The following ZFPM2 variants were observed in gnomAD, a reference collection of about 807,000 sequenced individuals.
The protein encoded by ZFPM2 is zinc finger protein ZFPM2.
In ZFPM2, 20 loss-of-function variants were observed where a neutral mutation model predicts 98.6. The observed-to-expected ratio is 0.20, with a 90% CI of 0.14 to 0.29. The LOEUF (loss-of-function observed/expected upper bound fraction) is 0.29, where lower values mean the gene tolerates loss of function less well. Among genes scored for constraint, ZFPM2 ranks in the 10% least tolerant of loss-of-function variants. ZFPM2 has a pLI of 1.00. For missense variants in ZFPM2, 1,310 were observed against 1,388.6 expected (o/e 0.94, Z 0.90); for synonymous variants, 518 against 502.7 (o/e 1.03, Z -0.41).
chr8:105,440,224 A>G (rs1256548329), intron 2 of ZFPM2, among the ~76,000 whole-genome samples: 1 of 152,222 alleles, frequency 6.6e-6, no homozygotes, highest in Non-Finnish European at 1.5e-5. Context: ...GCTAGCATTT[A>G]ATAGTATTAT....
intron 4 of ZFPM2, among the ~76,000 whole-genome samples, chr8:105,584,832 C>A (rs964504950): frequency 5.3e-5 from 8 of 152,064 alleles, no homozygotes; most frequent in African/African-American, 1.9e-4. Flanking sequence ...AATGCAAACA[C>A]CACTTTAGAT....
chr8:105,687,460 A>G (rs1025885645), intron 5 of ZFPM2, among the ~76,000 whole-genome samples: 1 of 152,180 alleles, frequency 6.6e-6, no homozygotes, highest in African/African-American at 2.4e-5. Context: ...AAGAGAATGA[A>G]AAAGCCAAGA....
chr8:105,519,095 A>T (rs572144157), intron 3 of ZFPM2, among the ~76,000 whole-genome samples: 1 of 152,158 alleles, frequency 6.6e-6, no homozygotes, highest in Non-Finnish European at 1.5e-5. Flanking sequence ...TCTTCATGGG[A>T]TGTGTACAAA....
At chr8:105,672,740 A>C (rs1256686097) in intron 5 of ZFPM2, among the ~76,000 whole-genome samples, 1 of 152,182 alleles carries the variant, frequency 6.6e-6, no homozygotes, top group Non-Finnish European at 1.5e-5. Context: ...ATTTCAAATA[A>C]AGTATAAAAA....
rs200584546 is a variant in ZFPM2 at position 105,712,159 on chromosome 8, C to CA, written c.533-76552dup. On this transcript the variant is annotated intron_variant, in intron 5 of 7. Transcript: ENST00000407775. ...GGAGAGTTATAAGATGTTGTTGAAA[C>CA]AAAAAAAGATAAGGAACAAGTGATG... Among the ~76,000 whole-genome samples the CA allele has an allele frequency of 7.7e-3, 1,164 of 151,364 alleles. 17 individuals carry two copies. Among genetic ancestry groups the CA allele is most frequent in the African/African-American group, 0.026 (1,085 of 41,332 alleles).
intron 5 of ZFPM2, among the ~76,000 whole-genome samples, chr8:105,694,300 T>C (rs1810966405): frequency 6.6e-6 from 1 of 152,164 alleles, no homozygotes; most frequent in Non-Finnish European, 1.5e-5. Context: ...CAAATTTTTT[T>C]AAGTTTCATT....
intron 5 of ZFPM2, among the ~76,000 whole-genome samples, chr8:105,712,120 G>C (rs891066463): frequency 6.6e-6 from 1 of 151,904 alleles, no homozygotes; most frequent in African/African-American, 2.4e-5. Flanking sequence ...GAAAAAGGCT[G>C]GTGAGGAACC....
intron 5 of ZFPM2, among the ~76,000 whole-genome samples, chr8:105,658,595 A>AAAAAAAAAAAAAAC (rs1817332142): frequency 6.8e-6 from 1 of 147,478 alleles, no homozygotes; most frequent in Non-Finnish European, 1.5e-5. Flanking sequence ...TCAAAAAAAA[A>AAAAAAAAAAAAAAC]AAAAAAAAAA....
chr8:105,517,477 G>A (rs1813949369), intron 3 of ZFPM2, among the ~76,000 whole-genome samples: 1 of 152,058 alleles, frequency 6.6e-6, no homozygotes, highest in African/African-American at 2.4e-5. Context: ...ACTGTGAAAT[G>A]ATTACCAACA....
chr8:105,383,267 G>A (rs967072774), intron 1 of ZFPM2, among the ~76,000 whole-genome samples: 3 of 151,976 alleles, frequency 2.0e-5, no homozygotes, highest in Non-Finnish European at 4.4e-5. Context: ...GTACTGTTGG[G>A]GATAGAGTAA....
intron 3 of ZFPM2, among the ~76,000 whole-genome samples, chr8:105,464,949 TAAA>T (rs77152118): frequency 1.6e-5 from 2 of 125,608 alleles, no homozygotes; most frequent in Non-Finnish European, 3.5e-5. Flanking sequence ...TTGAAAATGC[TAAA>T]AAAAAAAAAA....
chr8:105,405,243 G>A (rs1693611303), intron 1 of ZFPM2, among the ~76,000 whole-genome samples: 1 of 151,858 alleles, frequency 6.6e-6, no homozygotes, highest in Admixed American at 6.6e-5. Context: ...TTGCTGATGT[G>A]AGATAATGGT....
At chr8:105,345,568 C>G (rs1563613775) in intron 1 of ZFPM2, among the ~76,000 whole-genome samples, 3 of 151,446 alleles carry the variant, frequency 2.0e-5, no homozygotes, top group Admixed American at 6.6e-5. Flanking sequence ...CGTATGGAAG[C>G]TCTTTCAGGT....
intron 5 of ZFPM2, among the ~76,000 whole-genome samples, chr8:105,758,816 G>T (rs1439067183): frequency 6.6e-6 from 1 of 152,028 alleles, no homozygotes; most frequent in Admixed American, 6.6e-5. Context: ...CAGGTAGTTG[G>T]CATGTTATGA....
chr8:105,366,205 T>A (rs1810505047), intron 1 of ZFPM2, among the ~76,000 whole-genome samples: 1 of 152,162 alleles, frequency 6.6e-6, no homozygotes, highest in South Asian at 2.1e-4. Context: ...TGTGTGGAAG[T>A]TACGGTATTT....
intron 4 of ZFPM2, among the ~76,000 whole-genome samples, chr8:105,633,501 C>A (rs1289497847): frequency 6.6e-6 from 1 of 152,094 alleles, no homozygotes; most frequent in African/African-American, 2.4e-5. Context: ...TGCCAAACAG[C>A]CAAAAACTGT....
intron 5 of ZFPM2, among the ~76,000 whole-genome samples, chr8:105,679,666 G>A (rs1178127300): frequency 6.6e-6 from 1 of 151,968 alleles, no homozygotes; most frequent in Non-Finnish European, 1.5e-5. Context: ...GGGTAGTGGT[G>A]TGTGCCTGTA....
chr8:105,456,202 C>A (rs1317076702), intron 3 of ZFPM2, among the ~76,000 whole-genome samples: 2 of 135,336 alleles, frequency 1.5e-5, no homozygotes, highest in Non-Finnish European at 3.1e-5. Context: ...CTATGCCTGG[C>A]TTAAATGGTG....
rs561527316 is a variant in ZFPM2 at position 105,683,688 on chromosome 8, T to C, written c.532+49331T>C. Among the ~76,000 whole-genome samples the C allele has an allele frequency of 2.6e-5, 4 of 152,254 alleles. No homozygotes were observed. The East Asian group carries it at 5.8e-4, about 22-fold the overall frequency. ...TTCCTTTCTTCTGATTTATTCTTCA[T>C]CATCATCTCTTAAGAATCAGCCCTG... On this transcript the variant is annotated intron_variant, in intron 5 of 7. Transcript: ENST00000407775.
Sources: gnomAD v4.1 joint callset for allele counts (sites outside exome capture counted in the v4.1 genomes callset) on GRCh38, gnomAD v4.1.1 for gene constraint, MANE v1.5 for transcripts, NCBI Gene and HGNC (gene_info 2026-07-23, HGNC 2026-07-21) for gene names.